SDK1: variants seen among roughly 807,000 people sequenced by gnomAD.
SDK1 encodes sidekick cell adhesion molecule 1.
A neutral mutation model predicts 245.5 loss-of-function variants in SDK1; 157 were observed. The ratio of observed to expected loss-of-function variants is 0.64; its 90% CI spans 0.56 to 0.73. SDK1 has a LOEUF of 0.73. Ranked by LOEUF, SDK1 falls within the 30% of genes least tolerant of loss-of-function variation. The pLI is 0.00. For synonymous variants in SDK1, 1,647 were observed against 1,278.5 expected (o/e 1.29, Z -6.15); for missense variants, 3,583 against 3,002.3 (o/e 1.19, Z -4.52).
intron 1 of SDK1, among the ~76,000 whole-genome samples, chr7:3,583,729 G>A (rs1469423983): frequency 1.3e-5 from 2 of 152,168 alleles, no homozygotes; most frequent in Non-Finnish European, 2.9e-5. Context: ...GCATGCCACA[G>A]AAGGCATTGG....
At chr7:3,559,145 A>G (rs937977364) in intron 1 of SDK1, among the ~76,000 whole-genome samples, 2 of 152,220 alleles carry the variant, frequency 1.3e-5, no homozygotes, top group Non-Finnish European at 2.9e-5. Context: ...TGCTGAACTT[A>G]CGATATATAG....
At chr7:3,776,717 T>C (rs745732003) in intron 4 of SDK1, among the ~76,000 whole-genome samples, 1 of 152,106 alleles carries the variant, frequency 6.6e-6, no homozygotes, top group Non-Finnish European at 1.5e-5. Context: ...TTTTTTTTTT[T>C]TCTGGAAGAA....
chr7:4,239,798 T>G (rs1210922064), intron 42 of SDK1, among the ~76,000 whole-genome samples: 1 of 152,202 alleles, frequency 6.6e-6, no homozygotes, highest in Non-Finnish European at 1.5e-5. Context: ...TGTTGGAGGT[T>G]TTCCCATCAA....
chr7:3,491,321 C>G (rs1025178246), intron 1 of SDK1, among the ~76,000 whole-genome samples: 6 of 152,172 alleles, frequency 3.9e-5, no homozygotes, highest in Admixed American at 3.3e-4. Flanking sequence ...ACTTTCTTCT[C>G]CAACCATTTA....
chr7:3,515,517 T>C (rs1782717604), intron 1 of SDK1, among the ~76,000 whole-genome samples: 1 of 152,208 alleles, frequency 6.6e-6, no homozygotes, highest in Non-Finnish European at 1.5e-5. Context: ...CACTGTCCTT[T>C]TTAATTTATG....
At chr7:3,463,514 T>C (rs985241616) in intron 1 of SDK1, among the ~76,000 whole-genome samples, 2 of 145,820 alleles carry the variant, frequency 1.4e-5, no homozygotes, top group Non-Finnish European at 3.0e-5. Context: ...TTATATACAA[T>C]AATATAATTG....
At chr7:4,236,666 G>A (rs1274456446) in intron 41 of SDK1, among the ~76,000 whole-genome samples, 1 of 152,046 alleles carries the variant, frequency 6.6e-6, no homozygotes, top group African/African-American at 2.4e-5. Context: ...GAGGATTTTA[G>A]GGGGGACAAC....
At chr7:3,940,021 G>A (rs986589354) in intron 5 of SDK1, among the ~76,000 whole-genome samples, 8 of 152,234 alleles carry the variant, frequency 5.3e-5, no homozygotes, top group African/African-American at 1.7e-4. Context: ...AGACTCACCA[G>A]TTCCTGTGCT....
intron 1 of SDK1, among the ~76,000 whole-genome samples, chr7:3,366,587 G>A (rs549870134): frequency 1.4e-4 from 22 of 152,226 alleles, no homozygotes; most frequent in Non-Finnish European, 2.8e-4. Flanking sequence ...TGCCAGATAG[G>A]TGAGAAGTGC....
intron 1 of SDK1, among the ~76,000 whole-genome samples, chr7:3,599,578 G>A (rs577121601): frequency 6.6e-6 from 1 of 152,082 alleles, no homozygotes; most frequent in East Asian, 1.9e-4. Context: ...CCATTTTTTT[G>A]AAATGTTTTA....
rs189114134 is a variant in SDK1 at position 3,572,159 on chromosome 7, A to G, written c.299-46921A>G. ...TCCACTGGGCACTTATGTTCAAAGTACTGTGGGTGATAGAACTAATAAGTT... is the reference window on the plus strand; with the variant it reads ...TCCACTGGGCACTTATGTTCAAAGTGCTGTGGGTGATAGAACTAATAAGTT... On this transcript the variant is annotated intron_variant, in intron 1 of 44. Coordinates refer to ENST00000404826, the MANE Select transcript of SDK1 (RefSeq NM_152744.4). 4.1e-3 allele frequency among the ~76,000 whole-genome samples: 631 copies of G among 152,248 alleles called. 7 individuals carry two copies. The highest frequency in any genetic ancestry group is 0.015 in the South Asian group (70 of 4,826).
At chr7:4,201,287 G>A (rs1478538307) in intron 35 of SDK1, among the ~76,000 whole-genome samples, 1 of 152,198 alleles carries the variant, frequency 6.6e-6, no homozygotes. Flanking sequence ...CACCCAGAAT[G>A]GAGCCTGTCT....
At chr7:3,476,929 C>T (rs1387452649) in intron 1 of SDK1, among the ~76,000 whole-genome samples, 2 of 152,138 alleles carry the variant, frequency 1.3e-5, no homozygotes, top group Admixed American at 6.5e-5. Context: ...ACTGGTGAGG[C>T]ATGCAGGCCT....
At chr7:3,864,601 G>C (rs58581987) in intron 5 of SDK1, among the ~76,000 whole-genome samples, 7 of 152,176 alleles carry the variant, frequency 4.6e-5, no homozygotes, top group African/African-American at 1.2e-4. Context: ...CCCAGTCTTA[G>C]ACAGCCCCAA....
chr7:4,083,440 T>A (rs990785124), intron 22 of SDK1, among the ~76,000 whole-genome samples: 3 of 151,898 alleles, frequency 2.0e-5, no homozygotes, highest in African/African-American at 7.3e-5. Context: ...TACATCCTTG[T>A]GGGGTCACTT....
intron 5 of SDK1, among the ~76,000 whole-genome samples, chr7:3,946,636 A>G (rs2128123590): frequency 6.6e-6 from 1 of 152,290 alleles, no homozygotes. Flanking sequence ...TTTTTACCTC[A>G]TTCAAGAACT....
chr7:3,989,181 A>G (rs1784102069), intron 14 of SDK1, among the ~76,000 whole-genome samples: 1 of 152,238 alleles, frequency 6.6e-6, no homozygotes, highest in South Asian at 2.1e-4. Context: ...AAGAGGTTTA[A>G]TGGAGAACTC....
intron 1 of SDK1, among the ~76,000 whole-genome samples, chr7:3,488,098 T>A (rs1037105883): frequency 6.6e-6 from 1 of 152,196 alleles, no homozygotes; most frequent in Non-Finnish European, 1.5e-5. Flanking sequence ...GTTCAACTCT[T>A]GTGCAGATTC....
chr7:3,328,559 G>A (rs1779990314), intron 1 of SDK1, among the ~76,000 whole-genome samples: 1 of 151,964 alleles, frequency 6.6e-6, no homozygotes, highest in East Asian at 1.9e-4. Context: ...GCAGAAAAAT[G>A]TATTACATAA....
Sources: allele counts gnomAD v4.1 joint callset (sites outside exome capture counted in the v4.1 genomes callset), GRCh38; gene constraint gnomAD v4.1.1; transcripts MANE v1.5; gene names NCBI Gene and HGNC (gene_info 2026-07-23, HGNC 2026-07-21).